Variants in ARAP2 observed in about 807,000 individuals in gnomAD.
The protein encoded by ARAP2 is ArfGAP with RhoGAP domain, ankyrin repeat and PH domain 2.
Under a neutral mutation model 194.5 loss-of-function variants are expected in ARAP2, and 148 were observed. The observed-to-expected ratio is 0.76, with a 90% CI of 0.67 to 0.87. The LOEUF (loss-of-function observed/expected upper bound fraction) is 0.87. Ranked by LOEUF, ARAP2 falls within the 40% of genes least tolerant of loss-of-function variation. The probability of loss-of-function intolerance (pLI) is 0.00; values close to 1 mark genes in which losing one functional copy is unlikely to be tolerated. For missense variants in ARAP2, 2,128 were observed against 1,989.7 expected (o/e 1.07, Z -1.32); for synonymous variants, 695 against 683.5 (o/e 1.02, Z -0.26).
rs781780219 is a variant in ARAP2 at position 36,147,556 on chromosome 4, T to C, written c.3191A>G (p.Gln1064Arg). Residue 1064 changes from glutamine (Q) to arginine (R), a missense_variant, in exon 18 of 33, where the codon CAA (glutamine) becomes CGA (arginine). By Grantham distance (43) the Gln-to-Arg change is conservative (BLOSUM62 1). Coordinates refer to ENST00000303965, the MANE Select transcript of ARAP2 (RefSeq NM_015230.4). ...AAGAAAAAAGCTCTTACTTAGCTCT[T>C]GCAGTCTTCTTAAGTGCATTCTATC... ...QGDRMHLRRLQELTISTMVQN... is the reference protein window; with the variant it reads ...QGDRMHLRRLRELTISTMVQN... 2.6e-5 allele frequency: 42 copies of C among 1,609,790 alleles called. No individual in the cohort carries two copies. The highest frequency in any genetic ancestry group is 3.3e-5 in the Non-Finnish European group (39 of 1,178,720).
intron 10 of ARAP2, 23 bp from the exon 11 acceptor site, chr4:36,165,136 G>T: frequency 6.2e-7 from 1 of 1,612,238 alleles, no homozygotes; most frequent in South Asian, 1.1e-5. Flanking sequence ...ACGTTTCTGT[G>T]TTATCGATCT....
intron 5 of ARAP2, among the ~76,000 whole-genome samples, chr4:36,024,276 C>T (rs1717524119): frequency 6.6e-6 from 1 of 152,134 alleles, no homozygotes; most frequent in South Asian, 2.1e-4. Flanking sequence ...TTCAAAATGA[C>T]ATTGCATACC....
intron 1 of ARAP2, among the ~76,000 whole-genome samples, chr4:36,060,640 G>A (rs1297420674): frequency 1.1e-4 from 16 of 152,134 alleles, no homozygotes; most frequent in Admixed American, 7.9e-4. Flanking sequence ...CGCCTGGGTG[G>A]CTTAAACAAC....
intron 5 of ARAP2, among the ~76,000 whole-genome samples, chr4:36,027,789 T>G (rs1327818416): frequency 1.3e-5 from 2 of 152,134 alleles, no homozygotes; most frequent in Non-Finnish European, 2.9e-5. Flanking sequence ...TGTTTATGTC[T>G]AATGTGCAAT....
At chr4:36,217,195 G>A (rs762485605) in intron 2 of ARAP2, among the ~76,000 whole-genome samples, 1 of 152,078 alleles carries the variant, frequency 6.6e-6, no homozygotes, top group Non-Finnish European at 1.5e-5. Flanking sequence ...TATATTTTTT[G>A]ACCTCAAAAG....
At chr4:36,127,940 T>C (rs192575067) in intron 21 of ARAP2, among the ~76,000 whole-genome samples, 1 of 152,068 alleles carries the variant, frequency 6.6e-6, no homozygotes, top group African/African-American at 2.4e-5. Flanking sequence ...TCATCGGAGG[T>C]TAAAAACACG....
At position 36,113,703 on chromosome 4, in the gene ARAP2, C is replaced by T. The variant is rs73806462; in HGVS notation, c.4156+467G>A. Among the ~76,000 whole-genome samples the T allele has an allele frequency of 5.4e-3, 814 of 151,982 alleles. 11 individuals carry two copies. Among genetic ancestry groups the T allele is most frequent in the African/African-American group, 0.019 (768 of 41,494 alleles). Reference sequence around the variant, plus strand: ...GTCAAGGTGCTTTAAATGCTCCCTTCATCCCTAGGCATCTTGGAGATGAAA... The same window carrying T: ...GTCAAGGTGCTTTAAATGCTCCCTTTATCCCTAGGCATCTTGGAGATGAAA... On this transcript the variant is annotated intron_variant, in intron 26 of 32. Transcript: ENST00000303965.
chr4:36,239,184 G>A (rs1221133429), intron 1 of ARAP2, among the ~76,000 whole-genome samples: 2 of 151,950 alleles, frequency 1.3e-5, no homozygotes, highest in Non-Finnish European at 1.5e-5. Context: ...GTTGAGACAT[G>A]AGAATCGCTT....
intron 17 of ARAP2, 93 bp downstream of exon 17, chr4:36,148,312 A>T: frequency 1.2e-6 from 1 of 868,340 alleles, no homozygotes; most frequent in Non-Finnish European, 1.8e-6. Context: ...CTACAATCTT[A>T]TATAAAACTT....
At chr4:36,103,618 C>G (rs533662700) in intron 27 of ARAP2, among the ~76,000 whole-genome samples, 1 of 151,608 alleles carries the variant, frequency 6.6e-6, no homozygotes, top group South Asian at 2.1e-4. Context: ...AATTAGTTAG[C>G]TCTTTTTTAC....
chr4:36,103,995 C>T (rs1258519220), intron 27 of ARAP2, among the ~76,000 whole-genome samples: 1 of 151,768 alleles, frequency 6.6e-6, no homozygotes, highest in Admixed American at 6.6e-5. Flanking sequence ...GAAAAAAACT[C>T]CTAAAACGAA....
chr4:36,010,525 T>C (rs900586111), intron 9 of ARAP2, among the ~76,000 whole-genome samples: 5 of 152,122 alleles, frequency 3.3e-5, no homozygotes, highest in South Asian at 2.1e-4. Context: ...GAAATGACAC[T>C]GATTCACATA....
chr4:36,068,795 A>G (rs1221175571), intron 32 of ARAP2, among the ~76,000 whole-genome samples: 1 of 152,238 alleles, frequency 6.6e-6, no homozygotes, highest in African/African-American at 2.4e-5. Flanking sequence ...GGTTAGGTGT[A>G]TTTAACGCCT....
intron 19 of ARAP2, among the ~76,000 whole-genome samples, chr4:36,136,908 G>A (rs1156627991): frequency 7.6e-6 from 1 of 130,956 alleles, no homozygotes; most frequent in African/African-American, 3.1e-5. Flanking sequence ...CTATTAGAAT[G>A]GACACACACA....
At chr4:36,108,684 A>C (rs1719066436) in intron 26 of ARAP2, among the ~76,000 whole-genome samples, 1 of 152,050 alleles carries the variant, frequency 6.6e-6, no homozygotes, top group Non-Finnish European at 1.5e-5. Flanking sequence ...AGAGTTAAAA[A>C]GAACAAGTTT....
chr4:36,228,270 G>A (rs570786382), intron 2 of ARAP2, among the ~76,000 whole-genome samples: 1 of 152,210 alleles, frequency 6.6e-6, no homozygotes, highest in Non-Finnish European at 1.5e-5. Context: ...TATGAGAACT[G>A]CACTAATGGA....
chr4:36,240,255 T>C (rs181043148), intron 1 of ARAP2, among the ~76,000 whole-genome samples: 5 of 152,242 alleles, frequency 3.3e-5, no homozygotes, highest in East Asian at 1.9e-4. Context: ...ATCATATTCA[T>C]ACCACTATAT....
At chr4:36,031,040 G>A (rs1718862095) in intron 5 of ARAP2, among the ~76,000 whole-genome samples, 1 of 152,146 alleles carries the variant, frequency 6.6e-6, no homozygotes, top group Non-Finnish European at 1.5e-5. Context: ...TGAGGCAGGA[G>A]AATCCCTTGA....
chr4:36,116,044 T>C lies in ARAP2; in HGVS notation c.4038+1017A>G, dbSNP rs546563486. The stretch of plus-strand genomic sequence containing the variant: ...GTGATGAACTTGTGCTAATTGGTCT[T>C]TACTAGTTCCTCACATCTCTTATGA... On this transcript the variant is annotated intron_variant, in intron 25 of 32. Coordinates refer to ENST00000303965, the MANE Select transcript of ARAP2 (RefSeq NM_015230.4). Among the ~76,000 whole-genome samples the C allele has an allele frequency of 3.3e-5, 5 of 152,070 alleles. 1 individual carries two copies. The South Asian group carries it at 1.0e-3, about 31-fold the overall frequency.
Sources: allele counts gnomAD v4.1 joint callset (sites outside exome capture counted in the v4.1 genomes callset), GRCh38; gene constraint gnomAD v4.1.1; transcripts MANE v1.5; gene names NCBI Gene and HGNC (gene_info 2026-07-23, HGNC 2026-07-21).